NXPH1: variants seen among roughly 807,000 people sequenced by gnomAD.
NXPH1 encodes the protein neurexophilin 1.
A neutral mutation model predicts 23.7 loss-of-function variants in NXPH1; 5 were observed. The ratio of observed to expected loss-of-function variants is 0.21; its 90% CI spans 0.11 to 0.44. The LOEUF is 0.44. Ranked by LOEUF, NXPH1 falls within the 20% of genes least tolerant of loss-of-function variation. The probability of loss-of-function intolerance (pLI) is 0.99; values close to 1 mark genes in which losing one functional copy is unlikely to be tolerated. For missense variants in NXPH1, 324 were observed against 321.6 expected (o/e 1.01, Z -0.06); for synonymous variants, 144 against 122.2 (o/e 1.18, Z -1.18).
intron 2 of NXPH1, among the ~76,000 whole-genome samples, chr7:8,437,709 T>G (rs1425902971): frequency 1.3e-5 from 2 of 152,274 alleles, no homozygotes; most frequent in Non-Finnish European, 1.5e-5. Context: ...TCTAATGCGC[T>G]GCGTTCTCAA....
intron 2 of NXPH1, among the ~76,000 whole-genome samples, chr7:8,669,538 G>A (rs2115168619): frequency 6.6e-6 from 1 of 152,234 alleles, no homozygotes; most frequent in Non-Finnish European, 1.5e-5. Flanking sequence ...CCTGAATTCT[G>A]GGAGCATGTG....
intron 2 of NXPH1, among the ~76,000 whole-genome samples, chr7:8,530,063 C>T (rs1406623048): frequency 1.3e-5 from 2 of 152,116 alleles, no homozygotes; most frequent in Non-Finnish European, 2.9e-5. Flanking sequence ...TTAGCTCATT[C>T]TGTATCAGAG....
chr7:8,704,391 C>T (rs751791434), intron 2 of NXPH1, among the ~76,000 whole-genome samples: 1 of 152,112 alleles, frequency 6.6e-6, no homozygotes, highest in African/African-American at 2.4e-5. Flanking sequence ...CCACACGAGA[C>T]ACTGTATTCT....
At chr7:8,530,156 A>G (rs1205696644) in intron 2 of NXPH1, among the ~76,000 whole-genome samples, 1 of 152,172 alleles carries the variant, frequency 6.6e-6, no homozygotes, top group African/African-American at 2.4e-5. Flanking sequence ...AGCCTGTTGG[A>G]AGTGGACTTA....
chr7:8,633,753 T>C (rs1051553869), intron 2 of NXPH1, among the ~76,000 whole-genome samples: 1 of 152,228 alleles, frequency 6.6e-6, no homozygotes, highest in African/African-American at 2.4e-5. Flanking sequence ...TTGCATGAGC[T>C]GACAACAATG....
intron 2 of NXPH1, among the ~76,000 whole-genome samples, chr7:8,436,228 C>G (rs1816190612): frequency 6.6e-6 from 1 of 152,178 alleles, no homozygotes; most frequent in South Asian, 2.1e-4. Context: ...GGAGATGAGA[C>G]ACATAAAGAA....
chr7:8,717,518 A>G (rs1444846870), intron 2 of NXPH1, among the ~76,000 whole-genome samples: 1 of 152,162 alleles, frequency 6.6e-6, no homozygotes, highest in African/African-American at 2.4e-5. Flanking sequence ...CCATCACTGA[A>G]TTAATCATAA....
chr7:8,452,650 A>G (rs1816526986), intron 2 of NXPH1, among the ~76,000 whole-genome samples: 1 of 152,172 alleles, frequency 6.6e-6, no homozygotes, highest in Non-Finnish European at 1.5e-5. Context: ...TGTGGTGGAA[A>G]GAGGGGAAAA....
intron 2 of NXPH1, among the ~76,000 whole-genome samples, chr7:8,587,847 G>A (rs1819010783): frequency 6.6e-6 from 1 of 152,184 alleles, no homozygotes; most frequent in East Asian, 1.9e-4. Flanking sequence ...GGTATTCCAT[G>A]GTGTATATGT....
At chr7:8,548,623 T>C (rs552824608) in intron 2 of NXPH1, among the ~76,000 whole-genome samples, 1 of 151,626 alleles carries the variant, frequency 6.6e-6, no homozygotes, top group Non-Finnish European at 1.5e-5. Flanking sequence ...TAAATGCCAG[T>C]TTACTAAAGT....
At chr7:8,592,970 C>T (rs770173304) in intron 2 of NXPH1, among the ~76,000 whole-genome samples, 50 of 151,982 alleles carry the variant, frequency 3.3e-4, no homozygotes, top group Middle Eastern at 3.4e-3. Context: ...TCATTGTCCC[C>T]GTTTTACCAA....
At chr7:8,541,284 A>G (rs77047591) in intron 2 of NXPH1, among the ~76,000 whole-genome samples, 3,969 of 151,832 alleles carry the variant, frequency 0.026, 161 homozygotes, top group African/African-American at 0.09. Flanking sequence ...AATAGAGATT[A>G]TCCAAAATGA....
chr7:8,567,228 T>C (rs577884275), intron 2 of NXPH1, among the ~76,000 whole-genome samples: 1 of 152,074 alleles, frequency 6.6e-6, no homozygotes, highest in South Asian at 2.1e-4. Flanking sequence ...CTAGAAACCA[T>C]TTCTTGAGAA....
At chr7:8,470,661 C>T (rs576769582) in intron 2 of NXPH1, among the ~76,000 whole-genome samples, 1 of 152,112 alleles carries the variant, frequency 6.6e-6, no homozygotes, top group Non-Finnish European at 1.5e-5. Context: ...TAAACACCCA[C>T]CTTTAAGACT....
At chr7:8,560,701 A>G (rs1295256808) in intron 2 of NXPH1, among the ~76,000 whole-genome samples, 1 of 151,594 alleles carries the variant, frequency 6.6e-6, no homozygotes, top group African/African-American at 2.4e-5. Context: ...AGCTTTTCTC[A>G]ACCTTTTGTG....
At chr7:8,609,035 T>C (rs961896480) in intron 2 of NXPH1, among the ~76,000 whole-genome samples, 2 of 152,158 alleles carry the variant, frequency 1.3e-5, no homozygotes, top group Non-Finnish European at 2.9e-5. Context: ...GCTTAAATGA[T>C]ATAAATGAGA....
At chr7:8,692,475 G>A (rs1311597986) in intron 2 of NXPH1, among the ~76,000 whole-genome samples, 1 of 152,152 alleles carries the variant, frequency 6.6e-6, no homozygotes, top group Non-Finnish European at 1.5e-5. Flanking sequence ...ATAATAGTTG[G>A]TGACTAGAAT....
chr7:8,474,426 C>A (rs117640992), intron 2 of NXPH1, among the ~76,000 whole-genome samples: 28 of 152,126 alleles, frequency 1.8e-4, no homozygotes, highest in Non-Finnish European at 3.8e-4. Flanking sequence ...AAGATAATCA[C>A]CCACAATATC....
chr7:8,470,422 C>T (rs946388545), intron 2 of NXPH1, among the ~76,000 whole-genome samples: 4 of 152,142 alleles, frequency 2.6e-5, no homozygotes, highest in African/African-American at 9.6e-5. Context: ...CAAAGGGAAA[C>T]ATTTTGCTTT....
Sources: allele counts gnomAD v4.1 joint callset (sites outside exome capture counted in the v4.1 genomes callset), GRCh38; gene constraint gnomAD v4.1.1; transcripts MANE v1.5; gene names NCBI Gene and HGNC (gene_info 2026-07-23, HGNC 2026-07-21).